Variants in RFX3 observed in about 807,000 individuals in gnomAD.
The protein encoded by RFX3 is regulatory factor X3, also known as transcription factor RFX3.
RFX3 carries 14 observed loss-of-function variants against 98.6 expected under a neutral mutation model. The observed-to-expected ratio is 0.14, with a 90% CI of 0.09 to 0.22. The LOEUF (loss-of-function observed/expected upper bound fraction) is 0.22. RFX3 is among the 10% of genes least tolerant of loss of function. The pLI is 1.00. For missense variants in RFX3, 639 were observed against 926.9 expected (o/e 0.69, Z 4.03); for synonymous variants, 383 against 328.4 (o/e 1.17, Z -1.80).
At chr9:3,502,419 C>T (rs1816126405) in intron 1 of RFX3, among the ~76,000 whole-genome samples, 1 of 152,108 alleles carries the variant, frequency 6.6e-6, no homozygotes, top group African/African-American at 2.4e-5. Flanking sequence ...AGGATAATTT[C>T]AGCCACATCA....
chr9:3,425,116 T>C (rs998739875), intron 1 of RFX3, among the ~76,000 whole-genome samples: 11 of 152,182 alleles, frequency 7.2e-5, no homozygotes, highest in Non-Finnish European at 1.5e-4. Context: ...CCCACATCTG[T>C]GGTCCCAGCT....
At chr9:3,410,816 G>GT (rs2132166553) in intron 1 of RFX3, among the ~76,000 whole-genome samples, 1 of 152,296 alleles carries the variant, frequency 6.6e-6, no homozygotes, top group East Asian at 1.9e-4. Context: ...TTGTACAAAT[G>GT]TAACTCTGAA....
chr9:3,299,008 T>C (rs1828331416), intron 5 of RFX3, among the ~76,000 whole-genome samples: 1 of 151,750 alleles, frequency 6.6e-6, no homozygotes, highest in African/African-American at 2.4e-5. Context: ...TTGGAGACAG[T>C]GATAAATCAG....
intron 2 of RFX3, among the ~76,000 whole-genome samples, chr9:3,385,561 A>T (rs1260219925): frequency 6.6e-6 from 1 of 151,906 alleles, no homozygotes; most frequent in Non-Finnish European, 1.5e-5. Context: ...TACAAAATTT[A>T]GCTTGGCATG....
At chr9:3,296,576 T>C (rs1253606937) in intron 5 of RFX3, among the ~76,000 whole-genome samples, 1 of 152,120 alleles carries the variant, frequency 6.6e-6, no homozygotes, top group Non-Finnish European at 1.5e-5. Flanking sequence ...TTTATATAAA[T>C]CACTAGTTAG....
intron 14 of RFX3, among the ~76,000 whole-genome samples, chr9:3,251,129 G>C (rs1363964771): frequency 6.6e-6 from 1 of 152,104 alleles, no homozygotes; most frequent in African/African-American, 2.4e-5. Flanking sequence ...TAATGAAATA[G>C]TATGAGGACG....
At chr9:3,475,011 AT>A (rs1849104973) in intron 1 of RFX3, among the ~76,000 whole-genome samples, 1 of 151,388 alleles carries the variant, frequency 6.6e-6, no homozygotes, top group Admixed American at 6.6e-5. Context: ...AGGCAGGAAG[AT>A]TGCTTGAGCC....
intron 7 of RFX3, among the ~76,000 whole-genome samples, chr9:3,285,519 T>A (rs1826476159): frequency 6.6e-6 from 1 of 151,714 alleles, no homozygotes; most frequent in African/African-American, 2.4e-5. Context: ...CTGGTTTCAG[T>A]TAAGGCTTAT....
intron 1 of RFX3, among the ~76,000 whole-genome samples, chr9:3,447,269 A>G (rs367877938): frequency 3.3e-5 from 5 of 152,168 alleles, no homozygotes; most frequent in African/African-American, 9.6e-5. Context: ...TACTCAGTCA[A>G]TAACAGTGGA....
intron 1 of RFX3, among the ~76,000 whole-genome samples, chr9:3,521,491 T>C (rs2133935906): frequency 6.6e-6 from 1 of 152,298 alleles, no homozygotes; most frequent in South Asian, 2.1e-4. Context: ...AATAATCTCA[T>C]GTTGCAAACA....
At chr9:3,340,634 C>A (rs2131052506) in intron 3 of RFX3, among the ~76,000 whole-genome samples, 1 of 152,214 alleles carries the variant, frequency 6.6e-6, no homozygotes, top group African/African-American at 2.4e-5. Context: ...ATTTATGTAG[C>A]CAAAAGACAC....
At chr9:3,238,094 G>A (rs936872001) in intron 15 of RFX3, among the ~76,000 whole-genome samples, 1 of 152,148 alleles carries the variant, frequency 6.6e-6, no homozygotes, top group Non-Finnish European at 1.5e-5. Context: ...TTTGCAGAGG[G>A]ACCTAGAACA....
intron 9 of RFX3, among the ~76,000 whole-genome samples, chr9:3,273,418 A>G (rs927712253): frequency 2.6e-5 from 4 of 152,176 alleles, no homozygotes; most frequent in Non-Finnish European, 1.5e-5. Context: ...ATTTTTGAAA[A>G]TGGTATGTTA....
At chr9:3,455,459 T>C (rs911940571) in intron 1 of RFX3, among the ~76,000 whole-genome samples, 3 of 152,224 alleles carry the variant, frequency 2.0e-5, no homozygotes, top group Non-Finnish European at 4.4e-5. Context: ...ATTGAAGTTA[T>C]CATAGCTGCA....
intron 3 of RFX3, among the ~76,000 whole-genome samples, chr9:3,338,427 A>G (rs1833454930): frequency 6.6e-6 from 1 of 152,238 alleles, no homozygotes. Flanking sequence ...TTTCATTACT[A>G]TGTATGTTGA....
rs191716527 is a variant in RFX3, at chr9:3,484,964, G to A, written c.-9+40783C>T. On this transcript the variant is annotated intron_variant, in intron 1 of 16. Coordinates refer to ENST00000617270, the MANE Select transcript of RFX3 (RefSeq NM_001282116.2). The stretch of plus-strand genomic sequence containing the variant: ...AAAAGGAAAAAAAAAAGCTGGGCAT[G>A]ATGACACACCTCTAGTCCTAGCTAC... 2.0e-5 allele frequency among the ~76,000 whole-genome samples: 3 copies of A among 150,070 alleles called. No individual in the cohort carries two copies. In the Admixed American group the frequency reaches 2.0e-4, roughly 10 times the overall value.
At chr9:3,442,402 C>G (rs1373462577) in intron 1 of RFX3, among the ~76,000 whole-genome samples, 5 of 151,740 alleles carry the variant, frequency 3.3e-5, no homozygotes, top group Admixed American at 1.3e-4. Flanking sequence ...GAAGGATACT[C>G]CAAAAAGTAT....
intron 2 of RFX3, among the ~76,000 whole-genome samples, chr9:3,379,930 A>AT (rs916295950): frequency 4.0e-5 from 6 of 148,608 alleles, no homozygotes; most frequent in Non-Finnish European, 4.5e-5. Context: ...ATTTACTTTA[A>AT]TTTTTTTTAT....
chr9:3,512,124 T>A (rs567394773), intron 1 of RFX3, among the ~76,000 whole-genome samples: 74 of 135,894 alleles, frequency 5.4e-4, no homozygotes, highest in Non-Finnish European at 9.0e-4. Context: ...AATGCTGTGC[T>A]GAGAGAAAAA....
Sources: allele counts gnomAD v4.1 joint callset (sites outside exome capture counted in the v4.1 genomes callset), GRCh38; gene constraint gnomAD v4.1.1; transcripts MANE v1.5; gene names NCBI Gene and HGNC (gene_info 2026-07-23, HGNC 2026-07-21).